Variants in PSD3 observed in about 807,000 individuals in gnomAD.
The protein encoded by PSD3 is PH and SEC7 domain-containing protein 3.
Under a neutral mutation model 105.5 loss-of-function variants are expected in PSD3, and 49 were observed. That is an observed-to-expected ratio of 0.46 (90% CI 0.37 to 0.59). The LOEUF is 0.59. Ranked by LOEUF, PSD3 falls within the 20% of genes least tolerant of loss-of-function variation. PSD3 has a pLI of 0.00. For synonymous variants in PSD3, 557 were observed against 457.8 expected, an observed-to-expected ratio of 1.22 and a Z score of -2.77; for missense variants, 1,561 against 1,263.8, an observed-to-expected ratio of 1.24 and a Z score of -3.57.
upstream of PSD3, among the ~76,000 whole-genome samples, chr8:19,017,535 C>G (rs774961145): frequency 2.0e-5 from 3 of 152,160 alleles, no homozygotes; most frequent in Non-Finnish European, 2.9e-5. Context: ...CTAAAGAAAC[C>G]CTATCCCCAT....
chr8:19,001,971 T>G, intron 1 of PSD3: 2 of 160,078 alleles, frequency 1.2e-5, no homozygotes, highest in Non-Finnish European at 2.7e-5. Flanking sequence ...CCTCCCCGGG[T>G]ACCCTGCACT....
chr8:18,530,765 C>T lies in PSD3; in HGVS notation c.*4978G>A, dbSNP rs1799602761. ...CCTTGGTATTGCACACAGTACACTG[C>T]AAAAGATTCACAAGGTTAGTTGAAA... On this transcript the variant is annotated 3_prime_UTR_variant, in exon 16 of 16. Coordinates refer to ENST00000327040, the MANE Select transcript of PSD3 (RefSeq NM_015310.4). 6.6e-6 allele frequency: 1 copy of T among 151,430 alleles called. No homozygotes were observed. Among genetic ancestry groups the T allele is most frequent in the African/African-American group, 2.4e-5 (1 of 41,132 alleles). 9.4% of individuals were successfully genotyped at this position (151,430 alleles called of 1,614,324 possible). A position where few individuals can be genotyped will look rare whatever the true frequency, so the allele number is the denominator to read the frequency against.
chr8:18,962,210 C>G (rs1370990360), intron 1 of PSD3, among the ~76,000 whole-genome samples: 1 of 151,378 alleles, frequency 6.6e-6, no homozygotes, highest in African/African-American at 2.4e-5. Context: ...GGTGCCACTG[C>G]ACTACAGCAT....
chr8:18,760,465 T>C (rs1416036498), intron 9 of PSD3, among the ~76,000 whole-genome samples: 1 of 151,990 alleles, frequency 6.6e-6, no homozygotes, highest in Non-Finnish European at 1.5e-5. Context: ...TCAACTTTTT[T>C]AGATTCCACT....
intron 14 of PSD3, among the ~76,000 whole-genome samples, chr8:18,571,446 T>G (rs1413639581): frequency 6.6e-6 from 1 of 152,106 alleles, no homozygotes; most frequent in Non-Finnish European, 1.5e-5. Flanking sequence ...GGTACCACAT[T>G]TCCTCCTTCA....
At chr8:19,054,331 G>T (rs1416848048) in intron 1 of PSD3, among the ~76,000 whole-genome samples, 1 of 152,306 alleles carries the variant, frequency 6.6e-6, no homozygotes, top group Admixed American at 6.5e-5. Flanking sequence ...TTATCTGTGA[G>T]AGTATCCCGT....
intron 4 of PSD3, among the ~76,000 whole-genome samples, chr8:18,805,890 C>T (rs372763532): frequency 2.2e-4 from 34 of 152,136 alleles, no homozygotes; most frequent in African/African-American, 7.7e-4. Flanking sequence ...AAGTAATAGG[C>T]TTACTCCATT....
intron 8 of PSD3, among the ~76,000 whole-genome samples, chr8:18,767,466 G>A (rs1220588899): frequency 6.6e-6 from 1 of 152,196 alleles, no homozygotes; most frequent in Non-Finnish European, 1.5e-5. Context: ...ATATACCTGT[G>A]ACCGGGCACG....
intron 7 of PSD3, 23 bp from the exon 8 acceptor site, chr8:18,799,376 A>C (rs745701961): frequency 1.3e-6 from 2 of 1,557,860 alleles, no homozygotes; most frequent in Middle Eastern, 1.7e-4. Context: ...ACAAGAAAAA[A>C]AAGCATGAAT....
In PSD3 at chr8:18,867,839, C is replaced by T. The variant is rs767623717; in HGVS notation, c.1469G>A (p.Gly490Asp). 6.2e-7 allele frequency: 1 copy of T among 1,614,138 alleles called. No individual in the cohort carries two copies. The highest frequency in any genetic ancestry group is 1.1e-5 in the South Asian group (1 of 91,080). The change falls in exon 4 of 16, where the codon GGT becomes GAT. Residue 490 changes from glycine (G) to aspartate (D), a missense_variant. By Grantham distance (94) the Gly-to-Asp change is moderately conservative (BLOSUM62 -1). Coordinates refer to ENST00000327040, the MANE Select transcript of PSD3 (RefSeq NM_015310.4). ...PMIQQRIKEG[G>D]QFLERTSGGG... ...CCCTGATGTCCTCTCCAAGAACTGA[C>T]CACCTTCTTTAATGCGCTGTTGTAT... is the stretch of plus-strand genomic sequence containing the variant.
At chr8:18,831,466 A>G (rs1162297790) in intron 4 of PSD3, among the ~76,000 whole-genome samples, 2 of 152,218 alleles carry the variant, frequency 1.3e-5, no homozygotes, top group Non-Finnish European at 2.9e-5. Context: ...TCATGCCTGT[A>G]ATCCCAGCAC....
chr8:19,066,459 A>G (rs1015893434), intron 1 of PSD3, among the ~76,000 whole-genome samples: 3 of 152,214 alleles, frequency 2.0e-5, no homozygotes, highest in Non-Finnish European at 4.4e-5. Context: ...CAACCAATAA[A>G]TGCCCTCCCA....
chr8:18,692,224 A>G (rs1801009919), intron 9 of PSD3, among the ~76,000 whole-genome samples: 1 of 152,238 alleles, frequency 6.6e-6, no homozygotes, highest in African/African-American at 2.4e-5. Flanking sequence ...GCAAATCCAG[A>G]GAGATTCCTC....
At chr8:19,017,993 G>A (rs1028336891), upstream of PSD3, among the ~76,000 whole-genome samples, 98 of 152,058 alleles carry the variant, frequency 6.4e-4, no homozygotes, top group Middle Eastern at 3.2e-3. Flanking sequence ...CACAGTGGCC[G>A]CACCACTCTA....
chr8:18,721,952 A>C (rs1563199079), intron 9 of PSD3, among the ~76,000 whole-genome samples: 1 of 152,170 alleles, frequency 6.6e-6, no homozygotes, highest in Non-Finnish European at 1.5e-5. Context: ...CACACATAGT[A>C]ATGCCACGTA....
intron 1 of PSD3, among the ~76,000 whole-genome samples, chr8:18,985,365 C>T (rs1825450264): frequency 6.6e-6 from 1 of 152,146 alleles, no homozygotes; most frequent in South Asian, 2.1e-4. Flanking sequence ...CAGAGGTCTG[C>T]ATATAGAATA....
At chr8:19,008,084 T>C (rs1826778410) in intron 1 of PSD3, among the ~76,000 whole-genome samples, 1 of 152,072 alleles carries the variant, frequency 6.6e-6, no homozygotes, top group East Asian at 1.9e-4. Context: ...CCTCAGGCGA[T>C]CCACCCGCCT....
chr8:18,630,034 G>C (rs748194988), intron 11 of PSD3, among the ~76,000 whole-genome samples: 5 of 151,796 alleles, frequency 3.3e-5, no homozygotes, highest in Non-Finnish European at 7.4e-5. Flanking sequence ...GAGGTTAAAA[G>C]TCCTCCAGTG....
intron 1 of PSD3, among the ~76,000 whole-genome samples, chr8:19,078,283 T>A (rs1473629203): frequency 6.6e-6 from 1 of 152,124 alleles, no homozygotes; most frequent in Non-Finnish European, 1.5e-5. Context: ...ATAAATCACA[T>A]CAGGTAATGA....
Sources: gnomAD v4.1 joint callset for allele counts (sites outside exome capture counted in the v4.1 genomes callset) on GRCh38, gnomAD v4.1.1 for gene constraint, MANE v1.5 for transcripts, NCBI Gene and HGNC (gene_info 2026-07-23, HGNC 2026-07-21) for gene names.